Variants in PTPRG observed in about 807,000 individuals in gnomAD.
PTPRG encodes the protein receptor-type tyrosine-protein phosphatase gamma.
PTPRG carries 102 observed loss-of-function variants against 165.3 expected under a neutral mutation model. That is an observed-to-expected ratio of 0.62 (90% CI 0.53 to 0.73). The LOEUF (loss-of-function observed/expected upper bound fraction) is 0.73. Ranked by LOEUF, PTPRG falls within the 30% of genes least tolerant of loss-of-function variation. The pLI is 0.00. For missense variants in PTPRG, 1,866 were observed against 1,861.4 expected (o/e 1.00, Z -0.05); for synonymous variants, 675 against 669.5 (o/e 1.01, Z -0.13).
chr3:61,716,276 T>G (rs2031804232), intron 1 of PTPRG, among the ~76,000 whole-genome samples: 1 of 152,210 alleles, frequency 6.6e-6, no homozygotes, highest in African/African-American at 2.4e-5. Flanking sequence ...TAATGTATTT[T>G]TTTCATGAAT....
chr3:61,840,019 A>AT (rs1361000434), intron 2 of PTPRG, among the ~76,000 whole-genome samples: 1 of 152,210 alleles, frequency 6.6e-6, no homozygotes, highest in African/African-American at 2.4e-5. Flanking sequence ...GAGTCTTGGA[A>AT]TTTAGAGAAT....
chr3:61,598,616 A>G (rs1700763099), intron 1 of PTPRG, among the ~76,000 whole-genome samples: 3 of 152,158 alleles, frequency 2.0e-5, no homozygotes. Context: ...CCACAAGAGA[A>G]GATGTGAGCT....
intron 4 of PTPRG, among the ~76,000 whole-genome samples, chr3:62,060,760 A>G (rs1050131803): frequency 6.6e-6 from 1 of 152,130 alleles, no homozygotes; most frequent in Non-Finnish European, 1.5e-5. Context: ...TTTTATCTCT[A>G]TTCTTGCCTG....
chr3:61,833,372 G>A (rs1362474706), intron 2 of PTPRG, among the ~76,000 whole-genome samples: 1 of 152,054 alleles, frequency 6.6e-6, no homozygotes, highest in Non-Finnish European at 1.5e-5. Flanking sequence ...AATCTCTAGG[G>A]CTTTTACTGG....
intron 2 of PTPRG, among the ~76,000 whole-genome samples, chr3:61,959,841 A>G (rs2040111199): frequency 6.6e-6 from 1 of 152,116 alleles, no homozygotes; most frequent in Non-Finnish European, 1.5e-5. Context: ...GCCCAGTGTC[A>G]TTTTGTTCTT....
At chr3:62,059,883 A>G (rs1190775058) in intron 4 of PTPRG, among the ~76,000 whole-genome samples, 1 of 152,144 alleles carries the variant, frequency 6.6e-6, no homozygotes. Context: ...TGCTGCTGCC[A>G]TGTGAAGAAG....
chr3:61,643,897 T>A (rs1234862394), intron 1 of PTPRG, among the ~76,000 whole-genome samples: 1 of 152,210 alleles, frequency 6.6e-6, no homozygotes, highest in Non-Finnish European at 1.5e-5. Flanking sequence ...TGAACTAGGA[T>A]ACCCTTTTCA....
intron 1 of PTPRG, among the ~76,000 whole-genome samples, chr3:61,573,820 C>CT (rs1309206057): frequency 1.2e-4 from 19 of 152,100 alleles, no homozygotes; most frequent in African/African-American, 4.1e-4. Flanking sequence ...AAGAGATACA[C>CT]TATCCAAGGT....
intron 1 of PTPRG, among the ~76,000 whole-genome samples, chr3:61,698,905 A>T (rs998772596): frequency 6.6e-6 from 1 of 152,162 alleles, no homozygotes; most frequent in Non-Finnish European, 1.5e-5. Flanking sequence ...CATTCTCAGC[A>T]AACTATCGCA....
intron 1 of PTPRG, among the ~76,000 whole-genome samples, chr3:61,569,078 T>C (rs1699995626): frequency 6.6e-6 from 1 of 152,152 alleles, no homozygotes; most frequent in Non-Finnish European, 1.5e-5. Flanking sequence ...AACTTACACA[T>C]TGAATGAAAA....
chr3:61,992,711 A>G (rs251036), intron 3 of PTPRG, among the ~76,000 whole-genome samples: 83,306 of 152,032 alleles, frequency 0.55, 23,742 homozygotes, highest in African/African-American at 0.71. Flanking sequence ...TAGTAGAGAC[A>G]GGATTTCACC....
At chr3:61,886,023 C>T (rs998751999) in intron 2 of PTPRG, among the ~76,000 whole-genome samples, 1 of 151,548 alleles carries the variant, frequency 6.6e-6, no homozygotes, top group Non-Finnish European at 1.5e-5. Flanking sequence ...AGAGGGAAAC[C>T]CTGGACACTG....
chr3:61,760,897 T>C (rs2033812872), intron 2 of PTPRG, among the ~76,000 whole-genome samples: 1 of 152,174 alleles, frequency 6.6e-6, no homozygotes, highest in Non-Finnish European at 1.5e-5. Context: ...GCTTCCAGCT[T>C]CATTCACATC....
At chr3:61,725,668 T>C (rs2032227510) in intron 1 of PTPRG, among the ~76,000 whole-genome samples, 1 of 151,946 alleles carries the variant, frequency 6.6e-6, no homozygotes, top group Non-Finnish European at 1.5e-5. Flanking sequence ...TCTTCTCTTT[T>C]TGAAGATTTG....
Position 62,240,736 on chromosome 3 carries a change from C to T in PTPRG, c.2376-3071C>T, listed in dbSNP as rs1188061940. ...AAGGCTCTTCAACTAGCTGCTTGAC[C>T]TGCCTAAAATGGTCTTCCTCCAGAG... On this transcript the variant is annotated intron_variant, in intron 14 of 29. Transcript: ENST00000474889. The surrounding 1 kb of genome is among the most constrained non-coding windows in gnomAD (Gnocchi z 5.1). 1.3e-5 allele frequency among the ~76,000 whole-genome samples: 2 copies of T among 152,200 alleles called. No homozygotes were observed. The highest frequency in any genetic ancestry group is 4.8e-5 in the African/African-American group (2 of 41,460).
At chr3:61,727,166 GTTGT>G (rs1321773354) in intron 1 of PTPRG, among the ~76,000 whole-genome samples, 1 of 152,022 alleles carries the variant, frequency 6.6e-6, no homozygotes, top group Admixed American at 6.6e-5. Context: ...TGGAGCCCAA[GTTGT>G]TTGGGAAAGT....
Position 61,637,687 on chromosome 3 carries a change from C to T in PTPRG, c.85+75315C>T, listed in dbSNP as rs184091871. ...AGTCCACCGGGGTTGCGTCGCATTG[C>T]TTCCACGCCTCTGTCCTCACCAGTG... On this transcript the variant is annotated intron_variant, in intron 1 of 29. Transcript: ENST00000474889. Among the ~76,000 whole-genome samples, 5 of 152,276 alleles carry T rather than the reference C, an allele frequency of 3.3e-5. No individual in the cohort carries two copies. The East Asian group carries it at 9.6e-4, about 29-fold the overall frequency.
chr3:61,994,014 G>A (rs1005781602), intron 3 of PTPRG, among the ~76,000 whole-genome samples: 1 of 152,142 alleles, frequency 6.6e-6, no homozygotes, highest in African/African-American at 2.4e-5. Flanking sequence ...CCCACTTCTC[G>A]AAAGTTGTCT....
At chr3:61,665,164 C>G (rs1367162160) in intron 1 of PTPRG, among the ~76,000 whole-genome samples, 2 of 152,156 alleles carry the variant, frequency 1.3e-5, no homozygotes, top group African/African-American at 4.8e-5. Flanking sequence ...GGCTAATCTT[C>G]ACCACACAAG....
Sources: allele counts gnomAD v4.1 joint callset (sites outside exome capture counted in the v4.1 genomes callset), GRCh38; gene constraint gnomAD v4.1.1; non-coding constraint Gnocchi (gnomAD v3.1); transcripts MANE v1.5; gene names NCBI Gene and HGNC (gene_info 2026-07-23, HGNC 2026-07-21).